Variants in TET1 observed in about 807,000 individuals in gnomAD.
TET1 encodes methylcytosine dioxygenase TET1.
A neutral mutation model predicts 148.7 loss-of-function variants in TET1; 13 were observed. That is an observed-to-expected ratio of 0.09 (90% CI 0.06 to 0.14). The LOEUF (loss-of-function observed/expected upper bound fraction) is 0.14. Among genes scored for constraint, TET1 ranks in the 10% least tolerant of loss-of-function variants. TET1 has a pLI of 1.00. For synonymous variants in TET1, 907 were observed against 937.2 expected, an observed-to-expected ratio of 0.97 and a Z score of 0.59; for missense variants, 2,182 against 2,553.8, an observed-to-expected ratio of 0.85 and a Z score of 3.14.
chr10:68,690,687 C>A, intron 11 of TET1, 121 bp from the exon 12 acceptor site: 1 of 931,566 alleles, frequency 1.1e-6, no homozygotes, highest in Non-Finnish European at 1.5e-6. Context: ...CAAAACCAAC[C>A]AACACAACAT....
chr10:68,662,458 TTAA>T (rs147492785), intron 6 of TET1, among the ~76,000 whole-genome samples: 7 of 152,134 alleles, frequency 4.6e-5, no homozygotes, highest in African/African-American at 9.6e-5. Flanking sequence ...TTAATTTTTA[TTAA>T]TAATAAATTT....
chr10:68,566,184 A>G (rs2053605819), intron 1 of TET1, among the ~76,000 whole-genome samples: 1 of 152,220 alleles, frequency 6.6e-6, no homozygotes, highest in African/African-American at 2.4e-5. Context: ...GCCTACATAT[A>G]TGAATTTTAA....
chr10:68,655,854 A>G (rs1044642482), intron 6 of TET1, among the ~76,000 whole-genome samples: 1 of 152,144 alleles, frequency 6.6e-6, no homozygotes, highest in Admixed American at 6.5e-5. Context: ...ACCTGACTTC[A>G]TGGCAGAAGG....
chr10:68,642,079 T>C (rs2054764937), intron 3 of TET1, among the ~76,000 whole-genome samples: 1 of 152,232 alleles, frequency 6.6e-6, no homozygotes, highest in African/African-American at 2.4e-5. Context: ...GTTATCATTC[T>C]TTTTACAATT....
chr10:68,646,382 A>G lies in TET1; in HGVS notation c.3653A>G (p.Lys1218Arg). 1 of 1,614,152 alleles carries G rather than the reference A, an allele frequency of 6.2e-7. No individual in the cohort carries two copies. Among genetic ancestry groups the G allele is most frequent in the Non-Finnish European group, 8.5e-7 (1 of 1,180,036 alleles). ...TVFGKISSST[K>R]IWKPLAQTRS... is the part of the protein sequence containing the mutation. ...TTTGGGAAAATTTCTTCCTCGACCA[A>G]AATATGGAAACCACTGGCTCAAACG... is the stretch of plus-strand genomic sequence containing the variant. Residue 1218 changes from lysine (K) to arginine (R), a missense_variant, in exon 4 of 12, where the codon AAA (lysine) becomes AGA (arginine). Lys to Arg is a conservative substitution (Grantham distance 26). Transcript: ENST00000373644.
chr10:68,597,625 A>C (rs979756812), intron 2 of TET1, among the ~76,000 whole-genome samples: 1 of 152,234 alleles, frequency 6.6e-6, no homozygotes, highest in African/African-American at 2.4e-5. Flanking sequence ...TCCAAGGTGT[A>C]TACTACTTGT....
chr10:68,625,942 G>A (rs1490039083), intron 3 of TET1, among the ~76,000 whole-genome samples: 1 of 151,696 alleles, frequency 6.6e-6, no homozygotes, highest in African/African-American at 2.4e-5. Flanking sequence ...AAAAAGCCTG[G>A]CATGGTATCT....
chr10:68,690,763 C>G, intron 11 of TET1, 45 bp from the exon 12 acceptor site: 2 of 1,517,854 alleles, frequency 1.3e-6, no homozygotes, highest in Non-Finnish European at 1.8e-6. Flanking sequence ...CAACCCCTAC[C>G]AAAAGTAATT....
Position 68,691,793 on chromosome 10 carries a change from G to A in TET1, c.6390G>A (p.Gly2130=), listed in dbSNP as rs2055598621. The part of the protein sequence containing the change: ...VSPYALTHVA[G]PYNHWV ...CTTATGCTCTCACACACGTTGCGGG[G>A]CCCTATAACCATTGGGTCTGAAGGC... The change falls in exon 12 of 12, where the codon GGG becomes GGA. Residue 2130 remains glycine, a synonymous_variant. Transcript: ENST00000373644. This position sits in a 1 kb window ranked among gnomAD's most constrained non-coding sequence, Gnocchi z 4.4. 1.2e-6 allele frequency: 2 copies of A among 1,612,920 alleles called. No homozygotes were observed. Among genetic ancestry groups the A allele is most frequent in the Admixed American group, 1.7e-5 (1 of 59,922 alleles).
intron 2 of TET1, among the ~76,000 whole-genome samples, chr10:68,596,145 T>C (rs2053987137): frequency 6.7e-6 from 1 of 149,762 alleles, no homozygotes. Flanking sequence ...TTCAAGCGAT[T>C]CTCCTGCCTC....
rs2055614583 is a variant in TET1 at position 68,693,122 on chromosome 10, T to G, written c.*1308T>G. Reference sequence around the variant, plus strand: ...TGGGAAAATGATAACTCATCTTTTCTGATAATTGCCTATGTTCTAGGTAAC... The same window carrying G: ...TGGGAAAATGATAACTCATCTTTTCGGATAATTGCCTATGTTCTAGGTAAC... On this transcript the variant is annotated 3_prime_UTR_variant, in exon 12 of 12. Transcript: ENST00000373644. 8.7e-6 allele frequency: 2 copies of G among 230,890 alleles called. No homozygotes were observed. Among genetic ancestry groups the G allele is most frequent in the Non-Finnish European group, 1.7e-5 (2 of 117,384 alleles). The allele number at this position is 230,890 out of a possible 1,614,324, so 14.3% of individuals were successfully genotyped here.
chr10:68,612,613 G>T (rs1195568438), intron 3 of TET1, among the ~76,000 whole-genome samples: 11 of 151,724 alleles, frequency 7.3e-5, no homozygotes, highest in African/African-American at 1.5e-4. Context: ...ATGTATGGGG[G>T]TTTTTTGTTT....
At chr10:68,577,245 C>T (rs1181322281) in intron 2 of TET1, among the ~76,000 whole-genome samples, 1 of 151,084 alleles carries the variant, frequency 6.6e-6, no homozygotes, top group African/African-American at 2.4e-5. Flanking sequence ...CAGGGTTTTG[C>T]CATGTTGGCC....
intron 6 of TET1, among the ~76,000 whole-genome samples, chr10:68,664,621 C>T (rs1234654833): frequency 6.8e-6 from 1 of 147,056 alleles, no homozygotes; most frequent in Non-Finnish European, 1.5e-5. Context: ...TTCCCGACCT[C>T]AAGTGATCTA....
chr10:68,563,298 T>C (rs1312099916), intron 1 of TET1, among the ~76,000 whole-genome samples: 1 of 152,248 alleles, frequency 6.6e-6, no homozygotes, highest in Non-Finnish European at 1.5e-5. Flanking sequence ...TAGAAAACTA[T>C]CTAGGAACAG....
chr10:68,670,539 T>C (rs1194344345), intron 7 of TET1, among the ~76,000 whole-genome samples: 1 of 152,224 alleles, frequency 6.6e-6, no homozygotes, highest in Non-Finnish European at 1.5e-5. Context: ...GTTGACTATT[T>C]AAAATAATCT....
chr10:68,648,413 T>C (rs894818989), intron 4 of TET1, among the ~76,000 whole-genome samples: 2 of 152,356 alleles, frequency 1.3e-5, no homozygotes, highest in South Asian at 2.1e-4. Context: ...GATTGTGTCA[T>C]TAAAGTTCGT....
At chr10:68,611,839 G>T in intron 3 of TET1, among the ~76,000 whole-genome samples, 1 of 140,220 alleles carries the variant, frequency 7.1e-6, no homozygotes, top group East Asian at 2.1e-4. Context: ...TAGCTCGGGA[G>T]GTGGGGGGGG....
chr10:68,571,743 T>C (rs1468973222), intron 1 of TET1, among the ~76,000 whole-genome samples: 2 of 152,128 alleles, frequency 1.3e-5, no homozygotes, highest in African/African-American at 4.8e-5. Context: ...CAAGCTGGTC[T>C]TGAACTCCTG....
Sources: gnomAD v4.1 joint callset for allele counts (sites outside exome capture counted in the v4.1 genomes callset) on GRCh38, gnomAD v4.1.1 for gene constraint, Gnocchi (gnomAD v3.1) non-coding constraint, MANE v1.5 for transcripts, NCBI Gene and HGNC (gene_info 2026-07-23, HGNC 2026-07-21) for gene names.